NDUFAF2: variants seen among roughly 807,000 people sequenced by gnomAD.
NDUFAF2 encodes NADH:ubiquinone oxidoreductase complex assembly factor 2.
A neutral mutation model predicts 22.8 loss-of-function variants in NDUFAF2; 13 were observed. That is an observed-to-expected ratio of 0.57 (90% CI 0.37 to 0.91). The LOEUF is 0.91. NDUFAF2 is among the 40% of genes least tolerant of loss of function. The pLI is 0.01. For missense variants in NDUFAF2, 162 were observed against 195.2 expected, an observed-to-expected ratio of 0.83 and a Z score of 1.01; for synonymous variants, 53 against 64.2, an observed-to-expected ratio of 0.83 and a Z score of 0.84.
intron 1 of NDUFAF2, among the ~76,000 whole-genome samples, chr5:61,041,597 T>C (rs1359037937): frequency 4.6e-5 from 7 of 152,210 alleles, no homozygotes; most frequent in Admixed American, 4.6e-4. Flanking sequence ...CTTAACTATG[T>C]GACTCTTTCA....
At chr5:60,979,929 T>A (rs1412265371) in intron 1 of NDUFAF2, among the ~76,000 whole-genome samples, 1 of 152,100 alleles carries the variant, frequency 6.6e-6, no homozygotes, top group African/African-American at 2.4e-5. Context: ...CAGGGATGCT[T>A]GTTTTACCTC....
chr5:61,124,513 TA>T (rs1753011837), intron 3 of NDUFAF2, among the ~76,000 whole-genome samples: 1 of 152,066 alleles, frequency 6.6e-6, no homozygotes, highest in Non-Finnish European at 1.5e-5. Context: ...AAATTTCTCT[TA>T]GTTACTAATA....
At chr5:61,003,480 CA>C (rs1751325254) in intron 1 of NDUFAF2, among the ~76,000 whole-genome samples, 1 of 151,798 alleles carries the variant, frequency 6.6e-6, no homozygotes, top group African/African-American at 2.4e-5. Context: ...TACTATCCAT[CA>C]AATAAAGGGT....
At chr5:61,108,187 A>C (rs1323683004) in intron 3 of NDUFAF2, among the ~76,000 whole-genome samples, 2 of 148,800 alleles carry the variant, frequency 1.3e-5, no homozygotes, top group African/African-American at 2.6e-5. Context: ...TTATAGCAGC[A>C]TGATTTATAG....
intron 1 of NDUFAF2, among the ~76,000 whole-genome samples, chr5:60,971,128 C>T (rs941664868): frequency 1.5e-5 from 2 of 137,268 alleles, no homozygotes; most frequent in African/African-American, 5.1e-5. Flanking sequence ...GAATCACAAC[C>T]TCTATTTCTT....
chr5:60,975,856 G>A lies in NDUFAF2; in HGVS notation c.127+30474G>A, dbSNP rs557543728. 2.0e-5 allele frequency among the ~76,000 whole-genome samples: 3 copies of A among 152,332 alleles called. No homozygotes were observed. In the East Asian group the frequency reaches 5.8e-4, roughly 29 times the overall value. ...GTTACTGATGCTACTGATAGTTCAA[G>A]TACGATATGCCGTTAGAATTAAGAA... On this transcript the variant is annotated intron_variant, in intron 1 of 3. Transcript: ENST00000296597.
intron 1 of NDUFAF2, among the ~76,000 whole-genome samples, chr5:61,065,750 G>A (rs1237509797): frequency 1.3e-5 from 2 of 152,006 alleles, no homozygotes; most frequent in Non-Finnish European, 2.9e-5. Context: ...AATCCATGGG[G>A]AAAAACTGAA....
chr5:60,981,609 G>C (rs1018865061), intron 1 of NDUFAF2, among the ~76,000 whole-genome samples: 1 of 152,072 alleles, frequency 6.6e-6, no homozygotes. Flanking sequence ...AACTGATCAA[G>C]AATAATAACT....
chr5:61,126,104 T>G (rs531512706), intron 3 of NDUFAF2, among the ~76,000 whole-genome samples: 5 of 152,042 alleles, frequency 3.3e-5, no homozygotes, highest in Admixed American at 6.6e-5. Flanking sequence ...TCTTTTTTAT[T>G]TAAAAAAATA....
intron 1 of NDUFAF2, among the ~76,000 whole-genome samples, chr5:60,994,250 G>A (rs1751199221): frequency 6.6e-6 from 1 of 152,266 alleles, no homozygotes; most frequent in Admixed American, 6.5e-5. Flanking sequence ...TGTTGGGGCA[G>A]GAGGAGCCTT....
At chr5:60,956,024 C>A (rs158924) in intron 1 of NDUFAF2, among the ~76,000 whole-genome samples, 96,295 of 151,428 alleles carry the variant, frequency 0.64, 31,043 homozygotes, top group East Asian at 0.94. Context: ...AAGTGATCCT[C>A]CTAAGTACTG....
chr5:60,946,699 T>C (rs1420225144), intron 1 of NDUFAF2, among the ~76,000 whole-genome samples: 1 of 152,202 alleles, frequency 6.6e-6, no homozygotes, highest in Admixed American at 6.5e-5. Context: ...CTTTATGGTG[T>C]ACAGTTTTAT....
intron 1 of NDUFAF2, among the ~76,000 whole-genome samples, chr5:60,980,445 A>C (rs1282845316): frequency 1.3e-5 from 2 of 152,160 alleles, no homozygotes; most frequent in Non-Finnish European, 2.9e-5. Context: ...GTATTCTATG[A>C]GATAATTTTA....
chr5:61,041,126 A>G (rs1751877374), intron 1 of NDUFAF2, among the ~76,000 whole-genome samples: 1 of 152,176 alleles, frequency 6.6e-6, no homozygotes, highest in Non-Finnish European at 1.5e-5. Flanking sequence ...ATGGTATTTT[A>G]TGAAGAGCTA....
chr5:60,977,647 G>A (rs1750919518), intron 1 of NDUFAF2, among the ~76,000 whole-genome samples: 1 of 151,982 alleles, frequency 6.6e-6, no homozygotes, highest in African/African-American at 2.4e-5. Context: ...GATCAGACTG[G>A]TCAATATGGT....
At chr5:60,975,007 C>T (rs191827191) in intron 1 of NDUFAF2, among the ~76,000 whole-genome samples, 3 of 152,074 alleles carry the variant, frequency 2.0e-5, no homozygotes, top group African/African-American at 7.2e-5. Flanking sequence ...CGAGGTTTCA[C>T]CATGTTGGCC....
chr5:61,070,242 GATAA>G lies in NDUFAF2; in HGVS notation c.128-2879_128-2876del, dbSNP rs530137325. 2.8e-4 allele frequency among the ~76,000 whole-genome samples: 42 copies of G among 152,124 alleles called. 1 individual carries two copies. Among genetic ancestry groups the G allele is most frequent in the South Asian group, 1.7e-3 (8 of 4,828 alleles). ...ACTACGATGGAAATTTTTTTGCTGT[GATAA>G]ATAGAGTTGTCTTTACAAATATTGC... On this transcript the variant is annotated intron_variant, in intron 1 of 3. Coordinates refer to ENST00000296597, the MANE Select transcript of NDUFAF2 (RefSeq NM_174889.5).
intron 1 of NDUFAF2, among the ~76,000 whole-genome samples, chr5:60,972,820 A>T (rs1750854089): frequency 3.4e-5 from 5 of 144,956 alleles, no homozygotes; most frequent in African/African-American, 5.1e-5. Context: ...ATGTTTTAAA[A>T]TTTCTCATGG....
intron 3 of NDUFAF2, chr5:61,145,786 G>C (rs776234676): frequency 2.0e-5 from 3 of 152,168 alleles, no homozygotes; most frequent in East Asian, 3.9e-4. Flanking sequence ...TTTTGATACA[G>C]CTCATGCCTT....
Sources: allele counts gnomAD v4.1 joint callset (sites outside exome capture counted in the v4.1 genomes callset), GRCh38; gene constraint gnomAD v4.1.1; transcripts MANE v1.5; gene names NCBI Gene and HGNC (gene_info 2026-07-23, HGNC 2026-07-21).